TXNDC8: variants seen among roughly 807,000 people sequenced by gnomAD.
The protein encoded by TXNDC8 is thioredoxin domain-containing protein 8.
TXNDC8 carries 15 observed loss-of-function variants against 12.9 expected under a neutral mutation model. That is an observed-to-expected ratio of 1.16 (90% CI 0.78 to 1.79). The LOEUF is 1.79. Among genes scored for constraint, TXNDC8 ranks in the 40% most tolerant of loss-of-function variants. TXNDC8 has a pLI of 0.00. For synonymous variants in TXNDC8, 40 were observed against 35.4 expected (o/e 1.13, Z -0.46); for missense variants, 128 against 113.2 (o/e 1.13, Z -0.59).
At chr9:110,325,513 C>CTTTTT (rs201113003) in intron 3 of TXNDC8, among the ~76,000 whole-genome samples, 1 of 117,564 alleles carries the variant, frequency 8.5e-6, no homozygotes, top group Non-Finnish European at 1.7e-5. Flanking sequence ...CTTGTATACA[C>CTTTTT]TTTTTTTTTT....
intron 3 of TXNDC8, among the ~76,000 whole-genome samples, chr9:110,308,287 T>C (rs1838535058): frequency 6.6e-6 from 1 of 152,196 alleles, no homozygotes; most frequent in Non-Finnish European, 1.5e-5. Flanking sequence ...GGCAGGTAAT[T>C]CCTTTATAGA....
intron 3 of TXNDC8, among the ~76,000 whole-genome samples, chr9:110,307,575 T>C (rs569033114): frequency 2.6e-4 from 40 of 152,214 alleles, no homozygotes; most frequent in African/African-American, 8.9e-4. Flanking sequence ...GGAAAATAAA[T>C]AAATCTTGGG....
intron 2 of TXNDC8, among the ~76,000 whole-genome samples, chr9:110,327,928 G>T (rs1233781145): frequency 1.3e-5 from 2 of 152,158 alleles, no homozygotes; most frequent in Non-Finnish European, 1.5e-5. Flanking sequence ...AGTCATACTA[G>T]CTGTGTATTC....
At chr9:110,329,245 A>G (rs1839458857) in intron 2 of TXNDC8, 4 of 1,612,100 alleles carry the variant, frequency 2.5e-6, no homozygotes, top group Non-Finnish European at 3.4e-6. Flanking sequence ...AGAATTGTTC[A>G]CATCCACATT....
Position 110,333,339 on chromosome 9 carries a change from C to T in TXNDC8, c.129+877G>A, listed in dbSNP as rs187614425. ...CTGTGCATGTGAGGGAGCTAAGTTG[C>T]GCTACTTATGAGAATCTTAATACCT... On this transcript the variant is annotated intron_variant, in intron 2 of 4. Transcript: ENST00000423740. Among the ~76,000 whole-genome samples the T allele has an allele frequency of 8.9e-4, 136 of 152,238 alleles. 2 individuals carry two copies. In the Middle Eastern group the frequency reaches 0.02, roughly 23 times the overall value.
intron 2 of TXNDC8, among the ~76,000 whole-genome samples, chr9:110,327,584 A>C (rs759036742): frequency 1.3e-5 from 2 of 152,188 alleles, no homozygotes; most frequent in African/African-American, 2.4e-5. Context: ...GGGCCTCCCA[A>C]AGTGCTGATA....
intron 3 of TXNDC8, among the ~76,000 whole-genome samples, chr9:110,307,857 C>T (rs1414223630): frequency 2.0e-5 from 3 of 152,228 alleles, no homozygotes; most frequent in Admixed American, 6.5e-5. Context: ...TCTCATATCT[C>T]CCTAACATGT....
rs1455315672 is a variant in TXNDC8, at chr9:110,309,804, C to T, written c.196-5272G>A. Among the ~76,000 whole-genome samples, 3 of 151,834 alleles carry T rather than the reference C, an allele frequency of 2.0e-5. No individual in the cohort carries two copies. In the East Asian group the frequency reaches 5.8e-4, roughly 29 times the overall value. On this transcript the variant is annotated intron_variant, in intron 3 of 4. Transcript: ENST00000423740. ...AGTGCTGCTTACAAGCAGCACACAT[C>T]AATTCATCACACAAAAACTCTAGGC... is the stretch of plus-strand genomic sequence containing the variant.
chr9:110,326,350 C>T, intron 2 of TXNDC8, 110 bp from the exon 4 acceptor site: 1 of 1,023,824 alleles, frequency 9.8e-7, no homozygotes, highest in Non-Finnish European at 1.5e-6. Flanking sequence ...CCAAGGACAC[C>T]TGACACTTTA....
At chr9:110,334,952 C>T (rs1839689482) in intron 1 of TXNDC8, among the ~76,000 whole-genome samples, 1 of 152,176 alleles carries the variant, frequency 6.6e-6, no homozygotes. Context: ...ATTTGACATG[C>T]TTATTGCTGA....
chr9:110,303,279 C>G (rs1404038287), downstream of TXNDC8, among the ~76,000 whole-genome samples: 1 of 152,186 alleles, frequency 6.6e-6, no homozygotes, highest in Non-Finnish European at 1.5e-5. Context: ...CATAAAAACA[C>G]TGCCCAAGGA....
intron 1 of TXNDC8, among the ~76,000 whole-genome samples, chr9:110,334,771 T>C (rs1017490839): frequency 3.0e-4 from 45 of 152,200 alleles, no homozygotes; most frequent in Admixed American, 6.5e-5. Flanking sequence ...GGTGAACTGC[T>C]GTTCAGGGTG....
At chr9:110,330,646 T>C (rs1385889092) in intron 2 of TXNDC8, among the ~76,000 whole-genome samples, 1 of 152,206 alleles carries the variant, frequency 6.6e-6, no homozygotes, top group Non-Finnish European at 1.5e-5. Context: ...ATCAGCAAAC[T>C]ATGCCCTGTG....
intron 3 of TXNDC8, among the ~76,000 whole-genome samples, chr9:110,311,521 G>GTATATA (rs66474968): frequency 0.065 from 2,628 of 40,702 alleles, 193 homozygotes; most frequent in Non-Finnish European, 0.092. Flanking sequence ...AAATAAAGAG[G>GTATATA]TATATATATA....
intron 3 of TXNDC8, among the ~76,000 whole-genome samples, chr9:110,316,366 C>T (rs1482245110): frequency 6.6e-6 from 1 of 152,006 alleles, no homozygotes; most frequent in Non-Finnish European, 1.5e-5. Flanking sequence ...GAGAGGTGAG[C>T]AACATTAATT....
At chr9:110,329,242 T>G in intron 2 of TXNDC8, 2 of 1,612,440 alleles carry the variant, frequency 1.2e-6, no homozygotes, top group Non-Finnish European at 1.7e-6. Flanking sequence ...CGGAGAATTG[T>G]TCACATCCAC....
At chr9:110,314,419 CTTTTTCTTTTTCT>C (rs1838799645) in intron 3 of TXNDC8, among the ~76,000 whole-genome samples, 1 of 141,208 alleles carries the variant, frequency 7.1e-6, no homozygotes. Context: ...TTCTTTTTTT[CTTTTTCTTTTTCT>C]TTTTTCTTTT....
At chr9:110,305,602 CTTTCTTTCTTTT>C (rs1838422233) in intron 3 of TXNDC8, among the ~76,000 whole-genome samples, 1 of 106,100 alleles carries the variant, frequency 9.4e-6, no homozygotes, top group Non-Finnish European at 1.8e-5. Flanking sequence ...TTCTTTCTTT[CTTTCTTTCTTTT>C]TCTTCCTTCC....
intron 3 of TXNDC8, among the ~76,000 whole-genome samples, chr9:110,325,567 ATGG>A (rs1839279524): frequency 7.5e-6 from 1 of 133,078 alleles, no homozygotes; most frequent in Non-Finnish European, 1.5e-5. Context: ...CCCAGGCTGG[ATGG>A]AGTGCAGTGG....
Sources: gnomAD v4.1 joint callset for allele counts (sites outside exome capture counted in the v4.1 genomes callset) on GRCh38, gnomAD v4.1.1 for gene constraint, MANE v1.5 for transcripts, NCBI Gene and HGNC (gene_info 2026-07-23, HGNC 2026-07-21) for gene names.